Variants in ADAMTSL1 observed in about 807,000 individuals in gnomAD.
ADAMTSL1 encodes ADAMTS like 1.
A neutral mutation model predicts 201.8 loss-of-function variants in ADAMTSL1; 126 were observed. That is an observed-to-expected ratio of 0.62 (90% confidence interval 0.54 to 0.72). The LOEUF (loss-of-function observed/expected upper bound fraction) is 0.72, where lower values mean the gene tolerates loss of function less well. Ranked by LOEUF, ADAMTSL1 falls within the 30% of genes least tolerant of loss-of-function variation. The pLI, the probability that ADAMTSL1 is intolerant of heterozygous loss-of-function variation, is 0.00. For synonymous variants in ADAMTSL1, 1,121 were observed against 903.4 expected, an observed-to-expected ratio of 1.24 and a Z score of -4.32; for missense variants, 2,679 against 2,277.8, an observed-to-expected ratio of 1.18 and a Z score of -3.59.
At chr9:18,740,873 C>A (rs1036233146) in intron 15 of ADAMTSL1, among the ~76,000 whole-genome samples, 5 of 152,130 alleles carry the variant, frequency 3.3e-5, no homozygotes, top group Admixed American at 1.3e-4. Context: ...GCCTGGAATA[C>A]CTTCTTTTTA....
chr9:18,222,859 A>G (rs1830317307), intron 2 of ADAMTSL1, among the ~76,000 whole-genome samples: 1 of 151,828 alleles, frequency 6.6e-6, no homozygotes, highest in Admixed American at 6.6e-5. Flanking sequence ...TTTATTTTAT[A>G]TTTTTACTTT....
chr9:18,724,572 C>T (rs1817753038), intron 15 of ADAMTSL1, among the ~76,000 whole-genome samples: 1 of 152,176 alleles, frequency 6.6e-6, no homozygotes, highest in Non-Finnish European at 1.5e-5. Flanking sequence ...TAAAAATAGT[C>T]ATTTTCTGTT....
intron 2 of ADAMTSL1, among the ~76,000 whole-genome samples, chr9:18,417,541 A>G (rs1818741563): frequency 6.6e-6 from 1 of 152,104 alleles, no homozygotes; most frequent in South Asian, 2.1e-4. Context: ...AAATTACCAT[A>G]TCAGAATGAT....
chr9:18,710,529 C>A (rs1476223196), intron 14 of ADAMTSL1, among the ~76,000 whole-genome samples: 1 of 152,162 alleles, frequency 6.6e-6, no homozygotes, highest in Admixed American at 6.5e-5. Context: ...TTATTTTAAT[C>A]TTTCAGCTAT....
At chr9:18,705,281 A>C (rs1047047885) in intron 13 of ADAMTSL1, among the ~76,000 whole-genome samples, 3 of 152,246 alleles carry the variant, frequency 2.0e-5, no homozygotes, top group Non-Finnish European at 4.4e-5. Context: ...CCCTGTGAGA[A>C]AGCAATAGGA....
chr9:18,166,303 G>T (rs931135029), intron 2 of ADAMTSL1, among the ~76,000 whole-genome samples: 2 of 151,844 alleles, frequency 1.3e-5, no homozygotes, highest in Non-Finnish European at 2.9e-5. Flanking sequence ...AATGAATAGA[G>T]AATAGTCGTG....
intron 1 of ADAMTSL1, among the ~76,000 whole-genome samples, chr9:18,044,833 T>A (rs1821591826): frequency 6.6e-6 from 1 of 152,134 alleles, no homozygotes; most frequent in South Asian, 2.1e-4. Context: ...TGGCTACTGG[T>A]GTATAGGTCT....
intron 16 of ADAMTSL1, among the ~76,000 whole-genome samples, chr9:18,756,145 G>C (rs1436896278): frequency 8.1e-6 from 1 of 123,028 alleles, no homozygotes; most frequent in South Asian, 2.7e-4. Context: ...CTGGTGTGGT[G>C]GCGGGCACCT....
chr9:17,988,833 A>G (rs1819029386), intron 1 of ADAMTSL1, among the ~76,000 whole-genome samples: 1 of 151,994 alleles, frequency 6.6e-6, no homozygotes, highest in Middle Eastern at 3.2e-3. Flanking sequence ...GAAAATTGGT[A>G]ACAAGGTTTC....
At chr9:18,227,600 G>T (rs1830477861) in intron 2 of ADAMTSL1, among the ~76,000 whole-genome samples, 1 of 152,120 alleles carries the variant, frequency 6.6e-6, no homozygotes, top group Admixed American at 6.6e-5. Flanking sequence ...CCCAGAATTG[G>T]CAGCACATAT....
chr9:18,134,715 G>T (rs1160734841), intron 1 of ADAMTSL1, among the ~76,000 whole-genome samples: 1 of 152,126 alleles, frequency 6.6e-6, no homozygotes, highest in Non-Finnish European at 1.5e-5. Flanking sequence ...AGTCATTATC[G>T]AATATAGGGA....
chr9:18,709,651 C>G (rs1207394999), intron 14 of ADAMTSL1, among the ~76,000 whole-genome samples: 1 of 152,162 alleles, frequency 6.6e-6, no homozygotes, highest in Non-Finnish European at 1.5e-5. Context: ...TCTGGAAGAT[C>G]GAACGCAAGC....
intron 1 of ADAMTSL1, among the ~76,000 whole-genome samples, chr9:18,073,698 T>G (rs1823066307): frequency 6.6e-6 from 1 of 152,204 alleles, no homozygotes; most frequent in South Asian, 2.1e-4. Flanking sequence ...TGGAACTGTT[T>G]TAAGATAGAA....
Position 18,845,499 on chromosome 9 carries a change from G to T in ADAMTSL1, c.4249+15522G>T, listed in dbSNP as rs1826048804. On this transcript the variant is annotated intron_variant, in intron 23 of 28. Coordinates refer to ENST00000380548, the MANE Select transcript of ADAMTSL1 (RefSeq NM_001040272.6). ...CAGGGCCACAGGCCCATCATAGGCA[G>T]GGCCTGCACATGTAGCAGCTCCACT... Among the ~76,000 whole-genome samples the T allele has an allele frequency of 2.6e-5, 4 of 152,232 alleles. No individual in the cohort carries two copies. In the South Asian group the frequency reaches 8.3e-4, roughly 31 times the overall value.
intron 4 of ADAMTSL1, among the ~76,000 whole-genome samples, chr9:18,604,656 C>G (rs1432487639): frequency 6.6e-6 from 1 of 152,110 alleles, no homozygotes. Flanking sequence ...ATCCATTTGG[C>G]ATCTATGGAC....
intron 2 of ADAMTSL1, among the ~76,000 whole-genome samples, chr9:18,325,725 C>T (rs1288753506): frequency 6.6e-6 from 1 of 151,374 alleles, no homozygotes; most frequent in Non-Finnish European, 1.5e-5. Flanking sequence ...TGCCTGAAGC[C>T]TCTTTTAAAA....
At chr9:18,186,623 C>T (rs1205554398) in intron 2 of ADAMTSL1, among the ~76,000 whole-genome samples, 6 of 152,048 alleles carry the variant, frequency 3.9e-5, no homozygotes, top group African/African-American at 1.2e-4. Context: ...GTGATTGGTT[C>T]TGATTTAAAA....
rs571402637 is a variant in ADAMTSL1 at position 17,959,762 on chromosome 9, T to G, written c.87+52840T>G. ...CAAGCCACTGCACTCAGCCTTGACATTTTTTAGAAAAGTATATTTTCTTCT... is the reference window on the plus strand; with the variant it reads ...CAAGCCACTGCACTCAGCCTTGACAGTTTTTAGAAAAGTATATTTTCTTCT... On this transcript the variant is annotated intron_variant, in intron 1 of 29. Transcript: ENST00000680146. Among the ~76,000 whole-genome samples, 4 of 152,286 alleles carry G rather than the reference T, an allele frequency of 2.6e-5. No individual in the cohort carries two copies. In the Middle Eastern group the frequency reaches 0.014, roughly 518 times the overall value.
intron 14 of ADAMTSL1, among the ~76,000 whole-genome samples, chr9:18,721,250 T>A (rs1229842137): frequency 6.6e-6 from 1 of 152,210 alleles, no homozygotes; most frequent in East Asian, 1.9e-4. Context: ...CCTCGTGGCA[T>A]TTTTTTAAGC....
Sources: gnomAD v4.1 joint callset for allele counts (sites outside exome capture counted in the v4.1 genomes callset) on GRCh38, gnomAD v4.1.1 for gene constraint, MANE v1.5 for transcripts, NCBI Gene and HGNC (gene_info 2026-07-23, HGNC 2026-07-21) for gene names.